The following KLHL8 variants were observed in gnomAD, a reference collection of about 807,000 sequenced individuals.
The protein encoded by KLHL8 is kelch-like protein 8.
In KLHL8, 38 loss-of-function variants were observed where a neutral mutation model predicts 63.5. That is an observed-to-expected ratio of 0.60 (90% CI 0.46 to 0.78). The LOEUF is 0.78. Among genes scored for constraint, KLHL8 ranks in the 30% least tolerant of loss-of-function variants. The probability of loss-of-function intolerance (pLI) is 0.00; values close to 1 mark genes in which losing one functional copy is unlikely to be tolerated. For missense variants in KLHL8, 566 were observed against 752.4 expected, an observed-to-expected ratio of 0.75 and a Z score of 2.90; for synonymous variants, 224 against 254.3, an observed-to-expected ratio of 0.88 and a Z score of 1.13.
chr4:87,235,117 G>A (rs1469165051), intron 1 of KLHL8, among the ~76,000 whole-genome samples: 2 of 152,062 alleles, frequency 1.3e-5, no homozygotes, highest in African/African-American at 4.8e-5. Flanking sequence ...TATTTATAGT[G>A]TAGCCTGACT....
intron 1 of KLHL8, among the ~76,000 whole-genome samples, chr4:87,208,366 T>C (rs1415555963): frequency 4.6e-5 from 7 of 151,022 alleles, no homozygotes; most frequent in Non-Finnish European, 1.5e-5. Flanking sequence ...TTCTTCTTTT[T>C]TTCTTTTTTT....
At chr4:87,168,695 T>G (rs1005180150) in intron 8 of KLHL8, among the ~76,000 whole-genome samples, 1 of 147,356 alleles carries the variant, frequency 6.8e-6, no homozygotes, top group African/African-American at 2.5e-5. Context: ...TGTATATATA[T>G]ACGTATATAT....
chr4:87,196,691 C>T (rs1731712042), intron 1 of KLHL8, among the ~76,000 whole-genome samples: 2 of 152,168 alleles, frequency 1.3e-5, no homozygotes, highest in Non-Finnish European at 2.9e-5. Context: ...AATATCCACA[C>T]CATCCATAAT....
At chr4:87,164,943 T>G (rs558465163) in intron 8 of KLHL8, among the ~76,000 whole-genome samples, 1 of 152,006 alleles carries the variant, frequency 6.6e-6, no homozygotes, top group East Asian at 1.9e-4. Context: ...GGTCAGGAGA[T>G]CGAGACCATC....
intron 8 of KLHL8, among the ~76,000 whole-genome samples, chr4:87,165,040 T>A (rs919507371): frequency 6.7e-6 from 1 of 150,330 alleles, no homozygotes; most frequent in Non-Finnish European, 1.5e-5. Context: ...TCCCAGCTAC[T>A]CGGGAGGCTG....
chr4:87,173,905 T>C (rs1162840843), intron 6 of KLHL8, among the ~76,000 whole-genome samples: 1 of 152,174 alleles, frequency 6.6e-6, no homozygotes, highest in Non-Finnish European at 1.5e-5. Context: ...ACTAGCTTTT[T>C]TTTTTTCTAG....
chr4:87,210,777 A>G (rs1429395442), intron 1 of KLHL8, among the ~76,000 whole-genome samples: 1 of 152,008 alleles, frequency 6.6e-6, no homozygotes, highest in Non-Finnish European at 1.5e-5. Flanking sequence ...CTCTTTCTGA[A>G]ATGCCCTTTA....
chr4:87,176,917 TATC>T (rs1316234100), intron 5 of KLHL8, 49 bp from the exon 6 acceptor site: 4 of 903,466 alleles, frequency 4.4e-6, no homozygotes, highest in Non-Finnish European at 7.1e-6. Flanking sequence ...AATAAATTCA[TATC>T]ATTAATGTTA....
chr4:87,208,441 A>C (rs975362816), intron 1 of KLHL8, among the ~76,000 whole-genome samples: 8 of 149,328 alleles, frequency 5.4e-5, no homozygotes, highest in African/African-American at 2.0e-4. Context: ...ATCTCGGCTT[A>C]TCACAGCCTT....
chr4:87,211,179 A>G (rs781657976), intron 1 of KLHL8, among the ~76,000 whole-genome samples: 3 of 152,220 alleles, frequency 2.0e-5, no homozygotes, highest in Non-Finnish European at 2.9e-5. Context: ...TTTTTCTACT[A>G]TAATCCAAAT....
At chr4:87,197,952 G>GTAAATAAA (rs35183985) in intron 1 of KLHL8, among the ~76,000 whole-genome samples, 8,336 of 139,652 alleles carry the variant, frequency 0.06, 285 homozygotes, top group African/African-American at 0.094. Context: ...ACAGACAATA[G>GTAAATAAA]TAAATAAATA....
chr4:87,173,688 A>G (rs1730716163), intron 6 of KLHL8, among the ~76,000 whole-genome samples: 1 of 152,250 alleles, frequency 6.6e-6, no homozygotes. Flanking sequence ...ATTTTAAAAG[A>G]TTAAAGAAAT....
intron 2 of KLHL8, among the ~76,000 whole-genome samples, chr4:87,194,137 G>A (rs1731600349): frequency 6.6e-6 from 1 of 152,150 alleles, no homozygotes. Flanking sequence ...GGAACCTTTG[G>A]GAAATGATGA....
chr4:87,208,552 G>A (rs184041098), intron 1 of KLHL8, among the ~76,000 whole-genome samples: 1 of 152,018 alleles, frequency 6.6e-6, no homozygotes, highest in Admixed American at 6.5e-5. Context: ...TGCCCAGGCT[G>A]GTCTTGAACT....
At chr4:87,165,959 CTAATTA>C (rs150159888) in intron 8 of KLHL8, among the ~76,000 whole-genome samples, 23,882 of 151,938 alleles carry the variant, frequency 0.16, 2,231 homozygotes, top group South Asian at 0.24. Flanking sequence ...CATGTCTATT[CTAATTA>C]TAAGGGTCCA....
Position 87,160,111 on chromosome 4 carries a change from A to G in KLHL8, c.*3408T>C, listed in dbSNP as rs1356496691. 6.6e-6 allele frequency: 1 copy of G among 152,206 alleles called. No individual in the cohort carries two copies. Among genetic ancestry groups the G allele is most frequent in the Non-Finnish European group, 1.5e-5 (1 of 68,000 alleles). The allele number at this position is 152,206 out of a possible 1,614,324, so 9.4% of individuals were successfully genotyped here. The stretch of plus-strand genomic sequence containing the variant: ...GACCTTTTAGAGAGAAGTTTGTGCT[A>G]ATAGAAATATGCAATGTATTTTAAT... On this transcript the variant is annotated 3_prime_UTR_variant, in exon 10 of 10. Transcript: ENST00000273963.
intron 8 of KLHL8, among the ~76,000 whole-genome samples, chr4:87,165,776 AT>A (rs1414009910): frequency 1.3e-5 from 2 of 152,166 alleles, no homozygotes; most frequent in East Asian, 3.8e-4. Flanking sequence ...ATAAAAATGT[AT>A]TATAACAAAG....
Position 87,227,443 on chromosome 4 carries a change from C to A in KLHL8, n.58-6053G>T, listed in dbSNP as rs950237344. Among the ~76,000 whole-genome samples the A allele has an allele frequency of 3.9e-5, 6 of 152,116 alleles. No homozygotes were observed. In the East Asian group the frequency reaches 1.2e-3, roughly 29 times the overall value. Reference sequence around the variant, plus strand: ...AAGCTTGAGTCCAGGAGTTCGAGACCAGCCTGGAGAACACAGCAAGACTGT... The same window carrying A: ...AAGCTTGAGTCCAGGAGTTCGAGACAAGCCTGGAGAACACAGCAAGACTGT... On this transcript the variant is annotated intron_variant and non_coding_transcript_variant, in intron 1 of 1. Transcript: ENST00000506274.
In KLHL8 at chr4:87,208,369, C is replaced by CT. The variant is rs1011114394; in HGVS notation, c.-152+12048dup. ...TGAGTTGTCTTCTTCTTCTTTTTTT[C>CT]TTTTTTTTTTTTTTTGAGGCAGGGT... is the stretch of plus-strand genomic sequence containing the variant. On this transcript the variant is annotated intron_variant, in intron 1 of 9. Coordinates refer to ENST00000273963, the MANE Select transcript of KLHL8 (RefSeq NM_020803.5). Among the ~76,000 whole-genome samples, 818 of 142,248 alleles carry CT rather than the reference C, an allele frequency of 5.8e-3. 6 individuals are homozygous for CT. Among genetic ancestry groups the CT allele is most frequent in the Non-Finnish European group, 6.7e-3 (432 of 64,800 alleles). 93.3% of individuals were successfully genotyped at this position (142,248 alleles called of 152,430 possible). A position where few individuals can be genotyped will look rare whatever the true frequency, so the allele number is the denominator to read the frequency against.
Sources: allele counts gnomAD v4.1 joint callset (sites outside exome capture counted in the v4.1 genomes callset), GRCh38; gene constraint gnomAD v4.1.1; transcripts MANE v1.5; gene names NCBI Gene and HGNC (gene_info 2026-07-23, HGNC 2026-07-21).